NAALADL2: variants seen among roughly 807,000 people sequenced by gnomAD.
NAALADL2 encodes N-acetylated alpha-linked acidic dipeptidase like 2, also known as inactive N-acetylated-alpha-linked acidic dipeptidase-like protein 2.
In NAALADL2, 76 loss-of-function variants were observed where a neutral mutation model predicts 87.2. The ratio of observed to expected loss-of-function variants is 0.87; its 90% CI spans 0.72 to 1.05. The LOEUF (loss-of-function observed/expected upper bound fraction) is 1.05. NAALADL2 is among the 50% of genes least tolerant of loss of function. NAALADL2 has a pLI of 0.00. For missense variants in NAALADL2, 1,089 were observed against 945.8 expected, an observed-to-expected ratio of 1.15 and a Z score of -1.99; for synonymous variants, 354 against 331.0, an observed-to-expected ratio of 1.07 and a Z score of -0.75.
intron 3 of NAALADL2, among the ~76,000 whole-genome samples, chr3:175,248,147 C>G (rs183901777): frequency 6.6e-6 from 1 of 152,098 alleles, no homozygotes; most frequent in Non-Finnish European, 1.5e-5. Context: ...GGGAAAAATC[C>G]GGATTACAGA....
intron 2 of NAALADL2, among the ~76,000 whole-genome samples, chr3:174,646,264 G>C (rs1723774021): frequency 6.6e-6 from 1 of 152,064 alleles, no homozygotes; most frequent in South Asian, 2.1e-4. Flanking sequence ...GTATGGCTTT[G>C]AAATCTGTTT....
intron 2 of NAALADL2, among the ~76,000 whole-genome samples, chr3:174,598,130 G>C (rs1260295962): frequency 2.0e-5 from 3 of 152,048 alleles, no homozygotes; most frequent in Non-Finnish European, 4.4e-5. Context: ...ATAATGATCT[G>C]TATTTCATTC....
chr3:174,932,406 A>G (rs1034594947), intron 1 of NAALADL2, among the ~76,000 whole-genome samples: 1 of 152,224 alleles, frequency 6.6e-6, no homozygotes, highest in Admixed American at 6.5e-5. Context: ...TTAGCTTGTT[A>G]ACTTTGTTTA....
chr3:175,243,048 T>C (rs373318273), intron 3 of NAALADL2, among the ~76,000 whole-genome samples: 6 of 151,142 alleles, frequency 4.0e-5, no homozygotes, highest in African/African-American at 1.2e-4. Flanking sequence ...ATAACAGTTC[T>C]GTATGGTTTA....
intron 2 of NAALADL2, among the ~76,000 whole-genome samples, chr3:174,700,179 CA>C (rs1227211802): frequency 6.7e-6 from 1 of 148,472 alleles, no homozygotes; most frequent in Non-Finnish European, 1.5e-5. Flanking sequence ...TTTAATCTAC[CA>C]AAAGTGGCTG....
chr3:175,084,148 G>A (rs1718412204), intron 1 of NAALADL2, among the ~76,000 whole-genome samples: 1 of 152,108 alleles, frequency 6.6e-6, no homozygotes, highest in African/African-American at 2.4e-5. Flanking sequence ...GTGTGTTTTG[G>A]AAAAAATAGC....
intron 1 of NAALADL2, among the ~76,000 whole-genome samples, chr3:174,869,867 G>A (rs540581166): frequency 3.9e-5 from 6 of 151,988 alleles, no homozygotes; most frequent in African/African-American, 1.2e-4. Context: ...GTGGTGGCTC[G>A]TGCCTGTAAT....
chr3:175,092,890 C>T (rs768400400), intron 1 of NAALADL2, among the ~76,000 whole-genome samples: 3 of 151,888 alleles, frequency 2.0e-5, no homozygotes, highest in African/African-American at 7.2e-5. Context: ...AAATATATTA[C>T]ACTTTTCATA....
intron 2 of NAALADL2, among the ~76,000 whole-genome samples, chr3:174,561,336 A>T (rs1713593082): frequency 6.6e-6 from 1 of 151,054 alleles, no homozygotes. Context: ...AGTAGCTGGG[A>T]TTACAGGCAT....
At chr3:175,317,281 T>C (rs141540817) in intron 4 of NAALADL2, among the ~76,000 whole-genome samples, 1 of 152,176 alleles carries the variant, frequency 6.6e-6, no homozygotes, top group African/African-American at 2.4e-5. Context: ...CAAATAGTTA[T>C]TGTACTTACC....
chr3:174,644,419 C>T (rs1723567328), intron 2 of NAALADL2, among the ~76,000 whole-genome samples: 1 of 152,136 alleles, frequency 6.6e-6, no homozygotes, highest in Admixed American at 6.5e-5. Flanking sequence ...ATCACCTACT[C>T]ATTGTTTTCA....
chr3:175,697,044 T>C (rs1018442074), intron 11 of NAALADL2, among the ~76,000 whole-genome samples: 14 of 151,912 alleles, frequency 9.2e-5, no homozygotes, highest in Non-Finnish European at 1.8e-4. Context: ...TCAGCATGAG[T>C]TTGGAGGAGG....
rs545310787 is a variant in NAALADL2, at chr3:174,534,555, C to T, written c.-183-16014C>T. Among the ~76,000 whole-genome samples, 5 of 152,264 alleles carry T rather than the reference C, an allele frequency of 3.3e-5. No homozygotes were observed. In the East Asian group the frequency reaches 9.7e-4, roughly 29 times the overall value. On this transcript the variant is annotated intron_variant, in intron 1 of 3. Transcript: ENST00000434257. Reference sequence around the variant, plus strand: ...CCCAAGATGTCCAGAGCAGTCCTAGCCATCACATCTGTATACAACAACAGG... The same window carrying T: ...CCCAAGATGTCCAGAGCAGTCCTAGTCATCACATCTGTATACAACAACAGG...
At chr3:175,103,511 G>GT (rs1269250610) in intron 2 of NAALADL2, among the ~76,000 whole-genome samples, 1 of 152,140 alleles carries the variant, frequency 6.6e-6, no homozygotes, top group African/African-American at 2.4e-5. Flanking sequence ...GCCACTTCCT[G>GT]TGTCATGCTC....
At chr3:174,454,845 C>A (rs1320923341) in intron 1 of NAALADL2, among the ~76,000 whole-genome samples, 1 of 151,994 alleles carries the variant, frequency 6.6e-6, no homozygotes, top group Non-Finnish European at 1.5e-5. Context: ...CAAGAGCAAA[C>A]CAACCCCAGT....
intron 9 of NAALADL2, among the ~76,000 whole-genome samples, chr3:175,572,878 C>G (rs1718294177): frequency 6.9e-6 from 1 of 145,842 alleles, no homozygotes; most frequent in Non-Finnish European, 1.5e-5. Context: ...CAACATTTAG[C>G]AACATAGTGA....
At chr3:175,376,477 T>G (rs558239943) in intron 5 of NAALADL2, among the ~76,000 whole-genome samples, 1 of 152,288 alleles carries the variant, frequency 6.6e-6, no homozygotes, top group East Asian at 1.9e-4. Flanking sequence ...TTGTTTCTGG[T>G]AATTTGTCTC....
chr3:175,455,225 A>G (rs1722154510), intron 6 of NAALADL2, among the ~76,000 whole-genome samples: 2 of 152,196 alleles, frequency 1.3e-5, no homozygotes, highest in Middle Eastern at 3.4e-3. Context: ...GATGCCTTCA[A>G]TTGGGTAAAC....
chr3:174,899,619 C>T (rs1414326292), intron 1 of NAALADL2, among the ~76,000 whole-genome samples: 2 of 152,148 alleles, frequency 1.3e-5, no homozygotes, highest in African/African-American at 4.8e-5. Flanking sequence ...CAGATACTAG[C>T]ATCGTGATTC....
Sources: allele counts gnomAD v4.1 joint callset (sites outside exome capture counted in the v4.1 genomes callset), GRCh38; gene constraint gnomAD v4.1.1; transcripts MANE v1.5; gene names NCBI Gene and HGNC (gene_info 2026-07-23, HGNC 2026-07-21).